Variants in HTR4 observed in about 807,000 individuals in gnomAD.
HTR4 encodes the protein 5-hydroxytryptamine (serotonin) receptor 4, G protein-coupled.
A neutral mutation model predicts 36.8 loss-of-function variants in HTR4; 16 were observed. The observed-to-expected ratio is 0.43, with a 90% CI of 0.29 to 0.66. The LOEUF is 0.66. Among genes scored for constraint, HTR4 ranks in the 30% least tolerant of loss-of-function variants. The pLI is 0.13. For missense variants in HTR4, 438 were observed against 490.9 expected (o/e 0.89, Z 1.02); for synonymous variants, 189 against 185.1 (o/e 1.02, Z -0.17).
intron 5 of HTR4, among the ~76,000 whole-genome samples, chr5:148,454,678 G>T (rs151164441): frequency 6.6e-6 from 1 of 152,234 alleles, no homozygotes; most frequent in African/African-American, 2.4e-5. Flanking sequence ...AACACCAATT[G>T]ATTTCCCTAT....
At chr5:148,470,046 A>AATGGTG (rs570706382) in intron 5 of HTR4, among the ~76,000 whole-genome samples, 4 of 152,312 alleles carry the variant, frequency 2.6e-5, no homozygotes, top group East Asian at 1.9e-4. Context: ...TAATGATGAT[A>AATGGTG]ATGGTGATGG....
intron 2 of HTR4, among the ~76,000 whole-genome samples, chr5:148,595,547 G>A (rs1169472507): frequency 6.6e-6 from 1 of 152,012 alleles, no homozygotes; most frequent in East Asian, 1.9e-4. Flanking sequence ...AGAAGGGTGT[G>A]CAAAGATCCC....
intron 6 of HTR4, among the ~76,000 whole-genome samples, chr5:148,508,478 GA>G (rs979101997): frequency 3.9e-5 from 6 of 151,922 alleles, no homozygotes; most frequent in East Asian, 1.9e-4. Context: ...TGACCTTGGG[GA>G]AAAAAAATCG....
chr5:148,629,864 G>C (rs1411344593), intron 2 of HTR4: 1 of 152,138 alleles, frequency 6.6e-6, no homozygotes, highest in Non-Finnish European at 1.5e-5. Context: ...CAATCAATGA[G>C]AGCCAGAAGC....
At chr5:148,594,737 A>C (rs546049563) in intron 2 of HTR4, among the ~76,000 whole-genome samples, 1 of 152,180 alleles carries the variant, frequency 6.6e-6, no homozygotes, top group Non-Finnish European at 1.5e-5. Flanking sequence ...CAGAGACCCA[A>C]TGATGTATTC....
chr5:148,570,048 T>C (rs56101651), intron 2 of HTR4, among the ~76,000 whole-genome samples: 40,880 of 151,972 alleles, frequency 0.27, 8,006 homozygotes, highest in African/African-American at 0.55. Flanking sequence ...AGAAGGATAA[T>C]GTACTGCTCT....
At chr5:148,453,085 G>C (rs572754439) in intron 5 of HTR4, among the ~76,000 whole-genome samples, 229 of 152,320 alleles carry the variant, frequency 1.5e-3, no homozygotes, top group African/African-American at 5.2e-3. Flanking sequence ...TGAGCTTTCT[G>C]TCTGCTGTGG....
chr5:148,584,243 C>A (rs1298340972), intron 2 of HTR4, among the ~76,000 whole-genome samples: 3 of 152,130 alleles, frequency 2.0e-5, no homozygotes, highest in Non-Finnish European at 2.9e-5. Context: ...AGTACAAACA[C>A]CTTATTTTAC....
intron 5 of HTR4, among the ~76,000 whole-genome samples, chr5:148,457,923 TA>T (rs1465411945): frequency 1.5e-5 from 2 of 129,992 alleles, no homozygotes; most frequent in Admixed American, 7.8e-5. Context: ...AATATATCAT[TA>T]AAATATATTA....
intron 5 of HTR4, among the ~76,000 whole-genome samples, chr5:148,463,014 A>C (rs1429796170): frequency 6.6e-6 from 1 of 152,028 alleles, no homozygotes; most frequent in East Asian, 1.9e-4. Context: ...AACTTTATTA[A>C]TTTGATATCG....
chr5:148,634,523 T>C (rs533312012), intron 2 of HTR4, among the ~76,000 whole-genome samples: 16 of 152,280 alleles, frequency 1.1e-4, no homozygotes, highest in Non-Finnish European at 2.1e-4. Flanking sequence ...GCTTTAAAAA[T>C]TAAATGGGAT....
intron 4 of HTR4, among the ~76,000 whole-genome samples, chr5:148,547,574 TAAAAATAAATGA>T (rs1759452177): frequency 9.3e-6 from 1 of 107,204 alleles, no homozygotes; most frequent in Non-Finnish European, 2.1e-5. Context: ...AATAAATAAA[TAAAAATAAATGA>T]AAATAAAAAT....
intron 5 of HTR4, among the ~76,000 whole-genome samples, chr5:148,518,383 C>T (rs1006224959): frequency 3.9e-5 from 6 of 151,956 alleles, no homozygotes; most frequent in Non-Finnish European, 8.8e-5. Context: ...GGTTGGGGCT[C>T]GATAAATAAT....
intron 4 of HTR4, among the ~76,000 whole-genome samples, chr5:148,546,466 A>G (rs1426638245): frequency 1.3e-5 from 2 of 152,190 alleles, no homozygotes; most frequent in African/African-American, 4.8e-5. Context: ...CTTAATGACC[A>G]ATTCATCCTG....
At chr5:148,567,035 G>A (rs758942431) in intron 2 of HTR4, among the ~76,000 whole-genome samples, 17 of 151,446 alleles carry the variant, frequency 1.1e-4, no homozygotes, top group East Asian at 3.9e-4. Context: ...TATGAAATCC[G>A]CACGTATTGT....
At chr5:148,578,157 T>C (rs1005675055) in intron 2 of HTR4, among the ~76,000 whole-genome samples, 1 of 151,878 alleles carries the variant, frequency 6.6e-6, no homozygotes. Context: ...TGGGAGACAA[T>C]TACCTCTGTG....
chr5:148,627,949 C>T (rs2127298318), intron 2 of HTR4, among the ~76,000 whole-genome samples: 1 of 152,318 alleles, frequency 6.6e-6, no homozygotes, highest in African/African-American at 2.4e-5. Flanking sequence ...CAGGGCCAGG[C>T]AGGCAGATTG....
chr5:148,473,394 A>G (rs1309791229), downstream of HTR4, among the ~76,000 whole-genome samples: 2 of 152,124 alleles, frequency 1.3e-5, no homozygotes, highest in African/African-American at 4.8e-5. Flanking sequence ...GTATCAAAGT[A>G]AGAGAATTTG....
downstream of HTR4, among the ~76,000 whole-genome samples, chr5:148,473,460 G>A (rs1285162379): frequency 6.6e-6 from 1 of 152,118 alleles, no homozygotes; most frequent in African/African-American, 2.4e-5. Flanking sequence ...CTTCCTACCT[G>A]GAATATTAGA....
Sources: allele counts gnomAD v4.1 joint callset (sites outside exome capture counted in the v4.1 genomes callset), GRCh38; gene constraint gnomAD v4.1.1; transcripts MANE v1.5; gene names NCBI Gene and HGNC (gene_info 2026-07-23, HGNC 2026-07-21).